Variants in PCDHA10 observed in about 807,000 individuals in gnomAD.
PCDHA10 encodes protocadherin alpha 10.
In PCDHA10, 45 loss-of-function variants were observed where a neutral mutation model predicts 61.2. That is an observed-to-expected ratio of 0.74 (90% CI 0.58 to 0.94). PCDHA10 has a LOEUF of 0.94. Among genes scored for constraint, PCDHA10 ranks in the 40% least tolerant of loss-of-function variants. The probability of loss-of-function intolerance (pLI) is 0.00; values close to 1 mark genes in which losing one functional copy is unlikely to be tolerated. For synonymous variants in PCDHA10, 602 were observed against 548.8 expected (o/e 1.10, Z -1.35); for missense variants, 1,278 against 1,236.2 (o/e 1.03, Z -0.51).
chr5:140,910,191 CTT>C (rs1384563815), intron 1 of PCDHA10, among the ~76,000 whole-genome samples: 2 of 152,152 alleles, frequency 1.3e-5, no homozygotes, highest in Non-Finnish European at 2.9e-5. Context: ...TCAAATTAGT[CTT>C]TTGTCCACTT....
intron 1 of PCDHA10, among the ~76,000 whole-genome samples, chr5:140,955,517 C>T (rs1554221970): frequency 6.6e-6 from 1 of 152,154 alleles, no homozygotes; most frequent in African/African-American, 2.4e-5. Flanking sequence ...TGTTTGCTTT[C>T]CCTTCCACCA....
At chr5:140,914,501 C>T (rs1231907689) in intron 1 of PCDHA10, among the ~76,000 whole-genome samples, 1 of 152,084 alleles carries the variant, frequency 6.6e-6, no homozygotes, top group African/African-American at 2.4e-5. Context: ...GGCAACAGAT[C>T]ATTGGGTCAT....
chr5:140,857,947 G>A lies in PCDHA10; in HGVS notation c.1899G>A (p.Thr633=). Residue 633 remains threonine (T), a synonymous_variant, in exon 1 of 4, where the codon ACG becomes ACA. Coordinates refer to ENST00000307360, the MANE Select transcript of PCDHA10 (RefSeq NM_018901.4). ...VGLYTGEIST[T]RALDETDSPR... ...TGTACACGGGCGAGATCAGTACGAC[G>A]CGCGCTCTGGATGAGACTGACTCGC... is the stretch of plus-strand genomic sequence containing the variant. 2.5e-6 allele frequency: 4 copies of A among 1,597,414 alleles called. No individual in the cohort carries two copies. Among genetic ancestry groups the A allele is most frequent in the Non-Finnish European group, 2.6e-6 (3 of 1,167,412 alleles).
intron 1 of PCDHA10, chr5:140,929,578 TA>T: frequency 2.2e-6 from 1 of 445,404 alleles, no homozygotes; most frequent in Non-Finnish European, 4.0e-6. Flanking sequence ...ATAAAAGTAA[TA>T]TGACATAAAG....
At chr5:140,938,336 A>G (rs1251086891) in intron 1 of PCDHA10, among the ~76,000 whole-genome samples, 1 of 152,204 alleles carries the variant, frequency 6.6e-6, no homozygotes, top group African/African-American at 2.4e-5. Context: ...ATGTTAATGG[A>G]TAATCTTGTC....
intron 1 of PCDHA10, among the ~76,000 whole-genome samples, chr5:140,954,160 A>G (rs1231258623): frequency 6.6e-6 from 1 of 152,188 alleles, no homozygotes; most frequent in Non-Finnish European, 1.5e-5. Flanking sequence ...TATATGTACC[A>G]CATTTTCTTT....
chr5:140,970,141 G>T, intron 1 of PCDHA10, among the ~76,000 whole-genome samples: 1 of 152,166 alleles, frequency 6.6e-6, no homozygotes, highest in East Asian at 1.9e-4. Context: ...AAGGGAAAAA[G>T]AATTCTCCCA....
At chr5:141,002,085 A>G (rs959603404) in intron 3 of PCDHA10, among the ~76,000 whole-genome samples, 1 of 152,244 alleles carries the variant, frequency 6.6e-6, no homozygotes, top group African/African-American at 2.4e-5. Context: ...AAGAACGAGC[A>G]GTCCAGGGGC....
At chr5:140,980,897 A>G (rs2096910436) in intron 2 of PCDHA10, among the ~76,000 whole-genome samples, 1 of 152,186 alleles carries the variant, frequency 6.6e-6, no homozygotes, top group African/African-American at 2.4e-5. Context: ...AGTCTTGGAC[A>G]TCATGTAACT....
intron 1 of PCDHA10, among the ~76,000 whole-genome samples, chr5:140,924,892 C>A: frequency 1.2e-5 from 1 of 82,680 alleles, no homozygotes; most frequent in Admixed American, 1.2e-4. Context: ...AAGAACCTGT[C>A]TCAAAAAAAA....
chr5:140,967,023 G>A, intron 1 of PCDHA10: 1 of 1,608,160 alleles, frequency 6.2e-7, no homozygotes, highest in South Asian at 1.1e-5. Context: ...GGTGCGCCCA[G>A]TCCGCGCTAC....
intron 1 of PCDHA10, chr5:140,968,253 C>T: frequency 6.2e-7 from 1 of 1,614,026 alleles, no homozygotes; most frequent in Non-Finnish European, 8.5e-7. Context: ...GCCACAGACC[C>T]AGATGAAAAG....
At chr5:140,870,243 C>T (rs782592982) in intron 1 of PCDHA10, 1 of 1,614,178 alleles carries the variant, frequency 6.2e-7, no homozygotes, top group South Asian at 1.1e-5. Flanking sequence ...ACTCAGGTGT[C>T]AACGGACAGG....
At chr5:140,927,269 C>T in intron 1 of PCDHA10, 1 of 1,614,142 alleles carries the variant, frequency 6.2e-7, no homozygotes, top group Non-Finnish European at 8.5e-7. Context: ...CTCTTTCCTG[C>T]CGGCGACGTG....
Position 141,010,040 on chromosome 5 carries a change from C to G in PCDHA10, c.*103C>G. On this transcript the variant is annotated 3_prime_UTR_variant, in exon 4 of 4. Transcript: ENST00000307360. Reference sequence around the variant, plus strand: ...CCTTTTTCCTATCTACATGAGCCCTCTTAGAGACCTCAGAAATCTGCAGAA... The same window carrying G: ...CCTTTTTCCTATCTACATGAGCCCTGTTAGAGACCTCAGAAATCTGCAGAA... 5.6e-6 allele frequency: 9 copies of G among 1,593,642 alleles called. No individual in the cohort carries two copies. The highest frequency in any genetic ancestry group is 7.7e-6 in the Non-Finnish European group (9 of 1,170,750).
At chr5:140,929,331 C>G in intron 1 of PCDHA10, 1 of 1,534,960 alleles carries the variant, frequency 6.5e-7, no homozygotes, top group Non-Finnish European at 8.8e-7. Context: ...CCATGGTAAG[C>G]AAATTTTATG....
chr5:140,882,182 G>GACT (rs1284192603), intron 1 of PCDHA10: 2 of 1,518,394 alleles, frequency 1.3e-6, no homozygotes, highest in African/African-American at 2.8e-5. Flanking sequence ...TCCGCACTAG[G>GACT]AAGCCATAAA....
chr5:140,898,980 G>A (rs2067076537), intron 1 of PCDHA10, among the ~76,000 whole-genome samples: 1 of 151,930 alleles, frequency 6.6e-6, no homozygotes, highest in South Asian at 2.1e-4. Flanking sequence ...CTCATGATTT[G>A]GCTCTCTGTT....
intron 3 of PCDHA10, among the ~76,000 whole-genome samples, chr5:140,988,231 A>G (rs2097289009): frequency 6.6e-6 from 1 of 152,150 alleles, no homozygotes. Context: ...TCAGGGATCT[A>G]TGTGAGTGGG....
Sources: gnomAD v4.1 joint callset for allele counts (sites outside exome capture counted in the v4.1 genomes callset) on GRCh38, gnomAD v4.1.1 for gene constraint, MANE v1.5 for transcripts, NCBI Gene and HGNC (gene_info 2026-07-23, HGNC 2026-07-21) for gene names.